Variants in STX2 observed in about 807,000 individuals in gnomAD.
The protein encoded by STX2 is syntaxin 2.
In STX2, 27 loss-of-function variants were observed where a neutral mutation model predicts 40.6. The ratio of observed to expected loss-of-function variants is 0.66; its 90% CI spans 0.49 to 0.92. The LOEUF is 0.92. STX2 is among the 40% of genes least tolerant of loss of function. The pLI, the probability that STX2 is intolerant of heterozygous loss-of-function variation, is 0.00. For missense variants in STX2, 328 were observed against 366.1 expected (o/e 0.90, Z 0.85); for synonymous variants, 123 against 119.1 (o/e 1.03, Z -0.22).
chr12:130,799,672 G>C (rs574927282), intron 8 of STX2, among the ~76,000 whole-genome samples: 4 of 152,104 alleles, frequency 2.6e-5, no homozygotes, highest in Non-Finnish European at 4.4e-5. Flanking sequence ...ACATTAGCCG[G>C]GCGTAGTGGT....
At chr12:130,824,231 A>G (rs1952217115) in intron 2 of STX2, among the ~76,000 whole-genome samples, 1 of 152,148 alleles carries the variant, frequency 6.6e-6, no homozygotes, top group African/African-American at 2.4e-5. Context: ...CTCTACTAAA[A>G]ATACAAAATT....
At chr12:130,836,773 G>C (rs1282203225) in intron 1 of STX2, among the ~76,000 whole-genome samples, 2 of 152,156 alleles carry the variant, frequency 1.3e-5, no homozygotes, top group Middle Eastern at 6.3e-3. Flanking sequence ...AAAGTTTTGA[G>C]AGATTTAAAA....
chr12:130,829,107 T>A (rs2136345320), intron 1 of STX2, among the ~76,000 whole-genome samples: 1 of 152,192 alleles, frequency 6.6e-6, no homozygotes, highest in South Asian at 2.1e-4. Context: ...GTCCCCACCA[T>A]GAGGCAGGTG....
At chr12:130,832,717 T>G (rs1952616064) in intron 1 of STX2, among the ~76,000 whole-genome samples, 1 of 152,160 alleles carries the variant, frequency 6.6e-6, no homozygotes, top group Non-Finnish European at 1.5e-5. Flanking sequence ...AGAGAAACCC[T>G]CAGGATCTCG....
intron 2 of STX2, among the ~76,000 whole-genome samples, chr12:130,822,902 T>C (rs1470543602): frequency 6.6e-6 from 1 of 152,190 alleles, no homozygotes; most frequent in Non-Finnish European, 1.5e-5. Flanking sequence ...AAGTCGCAAG[T>C]GTTCTTAGAA....
chr12:130,811,163 G>A (rs1416483475), intron 4 of STX2, among the ~76,000 whole-genome samples: 1 of 152,090 alleles, frequency 6.6e-6, no homozygotes, highest in Non-Finnish European at 1.5e-5. Flanking sequence ...TTTGAGACCA[G>A]CCTGGCCAAC....
At chr12:130,819,545 T>C (rs1354633278) in intron 3 of STX2, among the ~76,000 whole-genome samples, 1 of 152,246 alleles carries the variant, frequency 6.6e-6, no homozygotes, top group African/African-American at 2.4e-5. Flanking sequence ...GGGACTATCA[T>C]GAAACAGTAA....
intron 3 of STX2, among the ~76,000 whole-genome samples, chr12:130,814,383 C>T (rs1951777805): frequency 2.6e-5 from 4 of 152,134 alleles, no homozygotes; most frequent in Admixed American, 2.6e-4. Context: ...AGCTGTCCCA[C>T]AGGAGGGGAC....
intron 2 of STX2, among the ~76,000 whole-genome samples, chr12:130,823,046 T>C (rs541625214): frequency 6.0e-4 from 91 of 152,286 alleles, no homozygotes; most frequent in Admixed American, 2.2e-3. Flanking sequence ...CTCATGCCTG[T>C]AATCCCAGCA....
chr12:130,821,298 C>A (rs1364705664), intron 3 of STX2, among the ~76,000 whole-genome samples: 1 of 152,250 alleles, frequency 6.6e-6, no homozygotes, highest in Non-Finnish European at 1.5e-5. Context: ...CTCAGTGCGT[C>A]TTCCTATTTC....
At chr12:130,818,182 AAAAAT>A (rs1167874035) in intron 3 of STX2, among the ~76,000 whole-genome samples, 30 of 37,360 alleles carry the variant, frequency 8.0e-4, no homozygotes, top group African/African-American at 1.7e-3. Context: ...AAAAAAAAAA[AAAAAT>A]ATATATATAT....
At chr12:130,818,185 A>AATATATATAT (rs1168152790) in intron 3 of STX2, among the ~76,000 whole-genome samples, 78 of 70,498 alleles carry the variant, frequency 1.1e-3, no homozygotes, top group Middle Eastern at 8.5e-3. Context: ...AAAAAAAAAA[A>AATATATATAT]ATATATATAT....
In STX2 at chr12:130,796,117, T is replaced by A. The variant is rs776564063; in HGVS notation, c.790A>T (p.Lys264Ter). ...IKYQSKARRK[K>*]WIIIAVSVVL... ...ACTGACACAGCAATAATTATCCACT[T>A]TTTCTGTCAAAGAAAAGCAAGCTGA... Residue 264 changes from lysine (K) to a stop codon, truncating the protein, a stop_gained, in exon 10 of 11, where the codon AAG becomes TAG. Coordinates refer to ENST00000392373, the MANE Select transcript of STX2 (RefSeq NM_194356.4). LOFTEE classifies it high-confidence loss of function. 6.2e-7 allele frequency: 1 copy of A among 1,614,100 alleles called. No homozygotes were observed. The highest frequency in any genetic ancestry group is 8.5e-7 in the Non-Finnish European group (1 of 1,180,030).
chr12:130,803,683 AAAAAAAC>A (rs1333775882), intron 6 of STX2, among the ~76,000 whole-genome samples: 5 of 129,564 alleles, frequency 3.9e-5, no homozygotes, highest in Non-Finnish European at 3.2e-5. Flanking sequence ...AAAAAAAAAA[AAAAAAAC>A]AAACTAAAAG....
chr12:130,802,283 T>C (rs1342439016), intron 6 of STX2, among the ~76,000 whole-genome samples: 1 of 152,078 alleles, frequency 6.6e-6, no homozygotes, highest in Non-Finnish European at 1.5e-5. Context: ...CTGCAACCTC[T>C]TCCTCCCGGG....
intron 5 of STX2, 91 bp downstream of exon 5, chr12:130,808,540 G>T: frequency 8.9e-7 from 1 of 1,123,720 alleles, no homozygotes; most frequent in Non-Finnish European, 1.3e-6. Context: ...AAGCATGACA[G>T]TAAAGATGAA....
Position 130,791,695 on chromosome 12 carries a change from G to T in STX2, c.*328C>A. On this transcript the variant is annotated 3_prime_UTR_variant, in exon 11 of 11. Coordinates refer to ENST00000392373, the MANE Select transcript of STX2 (RefSeq NM_194356.4). ...TCACATTCTGTAGTGTGTCATTCAG[G>T]GTCACGCATCACACCCACTGTGCTT... 1 of 521,628 alleles carries T rather than the reference G, an allele frequency of 1.9e-6. No homozygotes were observed. Among genetic ancestry groups the T allele is most frequent in the South Asian group, 2.7e-5 (1 of 36,786 alleles). 32.3% of individuals were successfully genotyped at this position (521,628 alleles called of 1,614,324 possible).
At chr12:130,833,739 T>C (rs74329772) in intron 1 of STX2, among the ~76,000 whole-genome samples, 1 of 152,186 alleles carries the variant, frequency 6.6e-6, no homozygotes, top group Non-Finnish European at 1.5e-5. Context: ...ATCTCCCTTT[T>C]CTGCTTTAGC....
chr12:130,808,320 CCT>C (rs1951518917), intron 5 of STX2, among the ~76,000 whole-genome samples: 1 of 151,950 alleles, frequency 6.6e-6, no homozygotes, highest in African/African-American at 2.4e-5. Flanking sequence ...TTTTTTTTCC[CCT>C]TTCCTCCTTC....
Sources: gnomAD v4.1 joint callset for allele counts (sites outside exome capture counted in the v4.1 genomes callset) on GRCh38, gnomAD v4.1.1 for gene constraint, MANE v1.5 for transcripts, NCBI Gene and HGNC (gene_info 2026-07-23, HGNC 2026-07-21) for gene names.